The following KLHL6 variants were observed in gnomAD, a reference collection of about 807,000 sequenced individuals.
KLHL6 encodes the protein kelch-like protein 6.
In KLHL6, 41 loss-of-function variants were observed where a neutral mutation model predicts 58.6. The ratio of observed to expected loss-of-function variants is 0.70; its 90% confidence interval spans 0.55 to 0.91. The LOEUF is 0.91. Among genes scored for constraint, KLHL6 ranks in the 40% least tolerant of loss-of-function variants. KLHL6 has a pLI of 0.00. For synonymous variants in KLHL6, 338 were observed against 322.7 expected (o/e 1.05, Z -0.51); for missense variants, 714 against 805.6 (o/e 0.89, Z 1.38).
At chr3:183,534,134 AC>A (rs1214827304) in intron 1 of KLHL6, among the ~76,000 whole-genome samples, 1 of 142,618 alleles carries the variant, frequency 7.0e-6, no homozygotes, top group Non-Finnish European at 1.6e-5. Flanking sequence ...AGTACTTTGT[AC>A]TTTTAAAGTA....
chr3:183,543,412 G>T (rs1026344431), intron 1 of KLHL6, among the ~76,000 whole-genome samples: 1 of 152,088 alleles, frequency 6.6e-6, no homozygotes, highest in Non-Finnish European at 1.5e-5. Context: ...CAGTTACTAA[G>T]AATTCTCTCC....
At chr3:183,525,894 A>G (rs1711947916) in intron 2 of KLHL6, among the ~76,000 whole-genome samples, 1 of 152,246 alleles carries the variant, frequency 6.6e-6, no homozygotes, top group African/African-American at 2.4e-5. Flanking sequence ...ATATGCATAT[A>G]GAGACTGCTA....
intron 2 of KLHL6, among the ~76,000 whole-genome samples, chr3:183,515,847 A>T (rs899378079): frequency 1.3e-5 from 2 of 152,240 alleles, no homozygotes; most frequent in Non-Finnish European, 2.9e-5. Context: ...GAGGAAGGAC[A>T]TATTTATCAC....
At chr3:183,501,031 A>G (rs1717852946) in intron 3 of KLHL6, among the ~76,000 whole-genome samples, 1 of 152,208 alleles carries the variant, frequency 6.6e-6, no homozygotes, top group Admixed American at 6.5e-5. Flanking sequence ...AGCCTGGTAC[A>G]GTGAGTTCCG....
chr3:183,531,443 GT>G lies in KLHL6; in HGVS notation c.294-3434del, dbSNP rs59579259. On this transcript the variant is annotated intron_variant, in intron 1 of 6. Coordinates refer to ENST00000341319, the MANE Select transcript of KLHL6 (RefSeq NM_130446.4). ...TTCTTTCTGTTCTTTTTTTGTCTGT[GT>G]TTTTTTTTTTTTTTTTTTTTTTTGA... Among the ~76,000 whole-genome samples the G allele has an allele frequency of 6.4e-3, 582 of 90,370 alleles. 1 individual carries two copies. Among genetic ancestry groups the G allele is most frequent in the African/African-American group, 0.023 (480 of 20,678 alleles). The allele number at this position is 90,370 out of a possible 152,430, so 59.3% of individuals were successfully genotyped here.
chr3:183,551,237 G>A (rs936993534), intron 1 of KLHL6, among the ~76,000 whole-genome samples: 1 of 152,162 alleles, frequency 6.6e-6, no homozygotes, highest in Non-Finnish European at 1.5e-5. Flanking sequence ...GGGTTGAAGG[G>A]AGAAGGCTCC....
In KLHL6 at chr3:183,544,397, G is replaced by T. The variant is rs553087580; in HGVS notation, c.293+10964C>A. On this transcript the variant is annotated intron_variant, in intron 1 of 6. Coordinates refer to ENST00000341319, the MANE Select transcript of KLHL6 (RefSeq NM_130446.4). ...AAGGCTTTTACAAAAGAAGCAGAGG[G>T]ATCATAAAACACAAAACAGTAACAA... Among the ~76,000 whole-genome samples, 47 of 152,022 alleles carry T rather than the reference G, an allele frequency of 3.1e-4. 2 individuals are homozygous for T. The highest frequency in any genetic ancestry group is 6.2e-4 in the Non-Finnish European group (42 of 68,010).
At chr3:183,534,948 A>AT (rs199669663) in intron 1 of KLHL6, among the ~76,000 whole-genome samples, 1,774 of 30,986 alleles carry the variant, frequency 0.057, 46 homozygotes, top group African/African-American at 0.089. Context: ...ATATATATAT[A>AT]TATTTTTTTT....
chr3:183,508,528 G>C lies in KLHL6; in HGVS notation c.460-20C>G. On this transcript the variant is annotated intron_variant, in intron 2 of 6. Coordinates refer to ENST00000341319, the MANE Select transcript of KLHL6 (RefSeq NM_130446.4). ...CAGGAACTGATGAAATAGAAAGGGT[G>C]GAAAGGAGGCCAGAAAATGGTGAGT... The C allele has an allele frequency of 6.9e-6, 11 of 1,600,994 alleles. No individual in the cohort carries two copies. The highest frequency in any genetic ancestry group is 1.3e-5 in the African/African-American group (1 of 74,508).
chr3:183,506,520 C>T (rs1718005961), intron 3 of KLHL6, among the ~76,000 whole-genome samples: 1 of 152,126 alleles, frequency 6.6e-6, no homozygotes, highest in Non-Finnish European at 1.5e-5. Context: ...GAGCAATGCA[C>T]CAAGTGCTAT....
intron 3 of KLHL6, among the ~76,000 whole-genome samples, chr3:183,502,644 G>A (rs574694124): frequency 1.3e-4 from 20 of 152,184 alleles, no homozygotes; most frequent in Non-Finnish European, 2.6e-4. Flanking sequence ...CCAACCAGCA[G>A]CCAGCAAGGA....
intron 2 of KLHL6, among the ~76,000 whole-genome samples, chr3:183,517,252 A>G (rs1374196451): frequency 6.6e-6 from 1 of 152,190 alleles, no homozygotes; most frequent in African/African-American, 2.4e-5. Flanking sequence ...TTCTCCAGCA[A>G]TAGACACTAA....
At position 183,510,291 on chromosome 3, in the gene KLHL6, G is replaced by T. The variant is rs560202944; in HGVS notation, c.460-1783C>A. Among the ~76,000 whole-genome samples, 31 of 151,264 alleles carry T rather than the reference G, an allele frequency of 2.0e-4. 1 individual carries two copies. The East Asian group carries it at 4.9e-3, about 24-fold the overall frequency. ...GGGGGGAGAGGAAAGGGGAGGCTGA[G>T]GGGGCAAGACCTGGTGGGGGTGGGG... On this transcript the variant is annotated intron_variant, in intron 2 of 6. Coordinates refer to ENST00000341319, the MANE Select transcript of KLHL6 (RefSeq NM_130446.4).
intron 2 of KLHL6, among the ~76,000 whole-genome samples, chr3:183,524,752 TA>T (rs1441442131): frequency 6.6e-6 from 1 of 152,252 alleles, no homozygotes; most frequent in African/African-American, 2.4e-5. Flanking sequence ...TGGTGAAAAT[TA>T]AGAAGCGTTT....
chr3:183,534,345 T>G (rs191375461), intron 1 of KLHL6, among the ~76,000 whole-genome samples: 5 of 152,040 alleles, frequency 3.3e-5, no homozygotes, highest in African/African-American at 1.2e-4. Flanking sequence ...GGCTGCCCAA[T>G]AGAAATGTAA....
chr3:183,514,360 A>G (rs1029398640), intron 2 of KLHL6, among the ~76,000 whole-genome samples: 11 of 152,052 alleles, frequency 7.2e-5, no homozygotes, highest in East Asian at 5.8e-4. Context: ...TCTAGCCACA[A>G]TTGCACCCAT....
intron 1 of KLHL6, among the ~76,000 whole-genome samples, chr3:183,536,989 T>C (rs535628147): frequency 7.2e-5 from 11 of 152,202 alleles, no homozygotes; most frequent in Non-Finnish European, 1.6e-4. Context: ...TAACCAGCTT[T>C]GACTCCCCAA....
chr3:183,553,296 G>C (rs918303481), intron 1 of KLHL6, among the ~76,000 whole-genome samples: 3 of 152,080 alleles, frequency 2.0e-5, no homozygotes, highest in African/African-American at 7.2e-5. Context: ...CTTTCCCTAA[G>C]TATCCTGGAT....
At chr3:183,548,465 A>G (rs947335015) in intron 1 of KLHL6, among the ~76,000 whole-genome samples, 1 of 152,124 alleles carries the variant, frequency 6.6e-6, no homozygotes, top group Non-Finnish European at 1.5e-5. Context: ...TGCTGCCTGG[A>G]ATCCTTGTCT....
Sources: gnomAD v4.1 joint callset for allele counts (sites outside exome capture counted in the v4.1 genomes callset) on GRCh38, gnomAD v4.1.1 for gene constraint, MANE v1.5 for transcripts, NCBI Gene and HGNC (gene_info 2026-07-23, HGNC 2026-07-21) for gene names.